The following NRG3 variants were observed in gnomAD, a reference collection of about 807,000 sequenced individuals.
NRG3 encodes pro-neuregulin-3, membrane-bound isoform.
Under a neutral mutation model 66.9 loss-of-function variants are expected in NRG3, and 31 were observed. The ratio of observed to expected loss-of-function variants is 0.46; its 90% CI spans 0.35 to 0.63. The LOEUF (loss-of-function observed/expected upper bound fraction) is 0.63, where lower values mean the gene tolerates loss of function less well. NRG3 is among the 20% of genes least tolerant of loss of function. NRG3 has a pLI of 0.00. For missense variants in NRG3, 910 were observed against 878.9 expected (o/e 1.04, Z -0.45); for synonymous variants, 393 against 359.4 (o/e 1.09, Z -1.06).
chr10:82,669,030 C>G lies in NRG3; in HGVS notation c.954-69547C>G, dbSNP rs577148585. Among the ~76,000 whole-genome samples the G allele has an allele frequency of 6.6e-5, 10 of 152,198 alleles. No individual in the cohort carries two copies. The South Asian group carries it at 1.9e-3, about 28-fold the overall frequency. ...ATCAGAGGCCCTTCTCCTCGTTCTT[C>G]TTTATTTTCCATCATCACCACCATC... On this transcript the variant is annotated intron_variant, in intron 2 of 8. Transcript: ENST00000372141.
intron 2 of NRG3, among the ~76,000 whole-genome samples, chr10:82,447,326 T>C (rs2090782088): frequency 6.6e-6 from 1 of 151,992 alleles, no homozygotes; most frequent in Non-Finnish European, 1.5e-5. Flanking sequence ...GGCCCATGCC[T>C]GTAGTTCCAG....
intron 2 of NRG3, among the ~76,000 whole-genome samples, chr10:82,543,083 G>C (rs2043651492): frequency 6.6e-6 from 1 of 151,930 alleles, no homozygotes; most frequent in Non-Finnish European, 1.5e-5. Context: ...GTAGAGACAG[G>C]GTTTCACCAT....
chr10:82,268,204 G>C (rs947688409), intron 1 of NRG3, among the ~76,000 whole-genome samples: 3 of 152,100 alleles, frequency 2.0e-5, no homozygotes, highest in Non-Finnish European at 4.4e-5. Flanking sequence ...GCCTATAAGA[G>C]TGCTTTTATT....
chr10:82,141,869 C>T (rs920185082), intron 1 of NRG3, among the ~76,000 whole-genome samples: 5 of 152,140 alleles, frequency 3.3e-5, no homozygotes, highest in Non-Finnish European at 5.9e-5. Context: ...GCTATACTAA[C>T]GCATTTCACC....
intron 1 of NRG3, among the ~76,000 whole-genome samples, chr10:82,154,814 G>A (rs2071064064): frequency 6.6e-6 from 1 of 151,276 alleles, no homozygotes; most frequent in Non-Finnish European, 1.5e-5. Flanking sequence ...AAATACTATT[G>A]TAAATTGGAT....
chr10:82,568,713 A>G (rs1245785518), intron 2 of NRG3, among the ~76,000 whole-genome samples: 1 of 151,656 alleles, frequency 6.6e-6, no homozygotes, highest in Non-Finnish European at 1.5e-5. Flanking sequence ...TGATTTTTTC[A>G]TTTCTCAGTT....
At chr10:82,174,959 T>A (rs977417099) in intron 1 of NRG3, among the ~76,000 whole-genome samples, 9 of 152,164 alleles carry the variant, frequency 5.9e-5, no homozygotes, top group Admixed American at 5.9e-4. Context: ...TCCCATTATC[T>A]TACTCTAAAT....
chr10:82,342,900 G>A (rs1240303891), intron 1 of NRG3, among the ~76,000 whole-genome samples: 1 of 152,080 alleles, frequency 6.6e-6, no homozygotes, highest in Non-Finnish European at 1.5e-5. Flanking sequence ...ACAGTTTCAA[G>A]TTTTACATTT....
intron 1 of NRG3, among the ~76,000 whole-genome samples, chr10:82,017,465 G>T (rs1266670376): frequency 2.6e-5 from 4 of 152,088 alleles, no homozygotes; most frequent in Admixed American, 2.6e-4. Flanking sequence ...GTAATGGGAT[G>T]GCTGGGTCAA....
intron 1 of NRG3, among the ~76,000 whole-genome samples, chr10:82,197,078 C>G (rs1303622593): frequency 6.6e-6 from 1 of 152,090 alleles, no homozygotes; most frequent in East Asian, 1.9e-4. Flanking sequence ...GTCTTGAAAG[C>G]AGATCAGGAA....
chr10:82,573,036 A>G (rs546743725), intron 2 of NRG3, among the ~76,000 whole-genome samples: 1 of 151,980 alleles, frequency 6.6e-6, no homozygotes, highest in South Asian at 2.1e-4. Context: ...TATGGCATAG[A>G]CTAGCAGGGA....
chr10:82,021,588 C>T (rs962966879), intron 1 of NRG3, among the ~76,000 whole-genome samples: 3 of 152,082 alleles, frequency 2.0e-5, no homozygotes, highest in Admixed American at 6.6e-5. Flanking sequence ...CTGTGTCTCA[C>T]TTCAAATATA....
intron 6 of NRG3, among the ~76,000 whole-genome samples, chr10:82,968,090 G>T (rs2132530722): frequency 6.6e-6 from 1 of 152,310 alleles, no homozygotes; most frequent in Admixed American, 6.5e-5. Context: ...AATACAAGAA[G>T]ACATTTTCAG....
At chr10:82,979,247 C>A in intron 8 of NRG3, 127 bp downstream of exon 8, 1 of 955,324 alleles carries the variant, frequency 1.0e-6, no homozygotes, top group Non-Finnish European at 1.5e-6. Flanking sequence ...ATGCTTACTG[C>A]CATCTTTGTT....
At chr10:82,698,948 A>C (rs2055617182) in intron 2 of NRG3, among the ~76,000 whole-genome samples, 2 of 152,172 alleles carry the variant, frequency 1.3e-5, no homozygotes. Context: ...TAAAAAAGCA[A>C]ATGTTGGTCT....
chr10:82,263,557 T>G lies in NRG3; in HGVS notation c.824-95182T>G, dbSNP rs920961087. On this transcript the variant is annotated intron_variant, in intron 1 of 8. Transcript: ENST00000372141. The stretch of plus-strand genomic sequence containing the variant: ...CAAAATAACATTTGGCAGAGCATTT[T>G]ACTCTGACTACTCAAGAATAACCTA... 2.0e-5 allele frequency among the ~76,000 whole-genome samples: 3 copies of G among 152,194 alleles called. No individual in the cohort carries two copies. The East Asian group carries it at 5.8e-4, about 29-fold the overall frequency.
At position 82,664,484 on chromosome 10, in the gene NRG3, T is replaced by C. The variant is rs2052610210; in HGVS notation, c.954-74093T>C. Among the ~76,000 whole-genome samples the C allele has an allele frequency of 2.0e-5, 3 of 152,186 alleles. 1 individual carries two copies. The highest frequency in any genetic ancestry group is 1.9e-4 in the East Asian group (1 of 5,188). ...AGGCATTTCTTAATTAATAGGAAGA[T>C]TGGTTTCATCCAGATTAATTATTGC... is the stretch of plus-strand genomic sequence containing the variant. On this transcript the variant is annotated intron_variant, in intron 2 of 8. Coordinates refer to ENST00000372141, the MANE Select transcript of NRG3 (RefSeq NM_001010848.4).
At chr10:82,277,102 G>C (rs1376586332) in intron 1 of NRG3, among the ~76,000 whole-genome samples, 1 of 151,948 alleles carries the variant, frequency 6.6e-6, no homozygotes, top group Non-Finnish European at 1.5e-5. Context: ...TTTCTTTCAT[G>C]TCAGGCTGCT....
At chr10:82,345,282 G>A (rs975352289) in intron 1 of NRG3, among the ~76,000 whole-genome samples, 2 of 131,368 alleles carry the variant, frequency 1.5e-5, no homozygotes, top group Middle Eastern at 3.7e-3. Context: ...TTCTACATAT[G>A]GCTAGCTAGT....
Sources: gnomAD v4.1 joint callset for allele counts (sites outside exome capture counted in the v4.1 genomes callset) on GRCh38, gnomAD v4.1.1 for gene constraint, MANE v1.5 for transcripts, NCBI Gene and HGNC (gene_info 2026-07-23, HGNC 2026-07-21) for gene names.